ZNF530: variants seen among roughly 807,000 people sequenced by gnomAD.
ZNF530 encodes the protein zinc finger protein 530.
In ZNF530, 5 loss-of-function variants were observed where a neutral mutation model predicts 2.8. The ratio of observed to expected loss-of-function variants is 1.80; its 90% confidence interval spans 0.94 to 3.78. The LOEUF is 3.78. ZNF530 is among the 30% of genes most tolerant of loss of function. ZNF530 has a pLI of 0.00. For synonymous variants in ZNF530, 229 were observed against 235.0 expected (o/e 0.97, Z 0.23); for missense variants, 619 against 673.3 (o/e 0.92, Z 0.89).
chr19:57,610,541 C>A (rs1980838203), downstream of ZNF530, among the ~76,000 whole-genome samples: 1 of 152,080 alleles, frequency 6.6e-6, no homozygotes, highest in Non-Finnish European at 1.5e-5. Context: ...ATCTGGGCCT[C>A]CCACTTCTAT....
chr19:57,606,763 G>A lies in ZNF530; in HGVS notation c.1139G>A (p.Gly380Glu). 1.2e-6 allele frequency: 2 copies of A among 1,613,914 alleles called. No homozygotes were observed. Among genetic ancestry groups the A allele is most frequent in the Non-Finnish European group, 1.7e-6 (2 of 1,180,004 alleles). ...GERPYVCSECGKSFGQKSVLI... is the reference protein window; with the variant it reads ...GERPYVCSECEKSFGQKSVLI... ...AGACCTTATGTGTGCAGTGAATGTG[G>A]GAAATCATTTGGCCAGAAATCTGTC... Residue 380 changes from glycine to glutamate, a missense_variant, in exon 4 of 4, where the codon GGG becomes GAG. Coordinates refer to ENST00000597700, the MANE Select transcript of ZNF530 (RefSeq NM_001321981.2).
chr19:57,612,656 G>A (rs1417033769), downstream of ZNF530: 2 of 396,216 alleles, frequency 5.0e-6, no homozygotes, highest in Admixed American at 8.8e-5. Context: ...ACTCCAGCCT[G>A]TGCAACACAG....
downstream of ZNF530, chr19:57,612,513 GT>G (rs1228491376): frequency 7.5e-6 from 3 of 400,434 alleles, no homozygotes; most frequent in African/African-American, 6.2e-5. Context: ...GTATTATTGA[GT>G]GTTTTCAAGA....
chr19:57,611,332 A>G (rs1384384633), downstream of ZNF530, among the ~76,000 whole-genome samples: 2 of 152,332 alleles, frequency 1.3e-5, no homozygotes, highest in South Asian at 2.1e-4. Flanking sequence ...GGCCAAGTGG[A>G]TAACTTGAGA....
At chr19:57,601,223 G>A (rs554088795) in intron 2 of ZNF530, among the ~76,000 whole-genome samples, 1 of 152,346 alleles carries the variant, frequency 6.6e-6, no homozygotes, top group East Asian at 1.9e-4. Flanking sequence ...ACAACAGACT[G>A]TGGGTTTAAG....
Position 57,606,113 on chromosome 19 carries a change from C to T in ZNF530, c.489C>T (p.His163=), listed in dbSNP as rs146101837. 4.8e-5 allele frequency: 78 copies of T among 1,614,234 alleles called. No homozygotes were observed. Among genetic ancestry groups the T allele is most frequent in the East Asian group, 3.1e-4 (14 of 44,882 alleles). ...HQVTPTIERP[H]SRIRHLRVPT... is the part of the protein sequence containing the mutation. ...TGACTCCCACCATTGAGAGACCACACAGCAGGATTAGACACTTGAGAGTTC... is the reference window on the plus strand; with the variant it reads ...TGACTCCCACCATTGAGAGACCACATAGCAGGATTAGACACTTGAGAGTTC... The change falls in exon 4 of 4, where the codon CAC becomes CAT. Residue 163 remains histidine, a synonymous_variant. Coordinates refer to ENST00000597700, the MANE Select transcript of ZNF530 (RefSeq NM_001321981.2).
At chr19:57,610,779 C>A (rs1245100998), downstream of ZNF530, among the ~76,000 whole-genome samples, 1 of 152,038 alleles carries the variant, frequency 6.6e-6, no homozygotes, top group Non-Finnish European at 1.5e-5. Context: ...AATCAGTAGC[C>A]CCCAAATTCA....
At chr19:57,600,266 G>T in intron 1 of ZNF530, 132 bp downstream of exon 1, 1 of 1,152,230 alleles carries the variant, frequency 8.7e-7, no homozygotes, top group Non-Finnish European at 1.2e-6. Context: ...GTTTCTGGTA[G>T]TGTGGCAGGG....
At chr19:57,600,280 G>C (rs1980166879) in intron 1 of ZNF530, 146 bp downstream of exon 1, 1 of 1,094,920 alleles carries the variant, frequency 9.1e-7, no homozygotes, top group Non-Finnish European at 1.2e-6. Flanking sequence ...GGCAGGGAGC[G>C]GGAGAGCGAC....
chr19:57,600,674 T>C (rs1980191082), intron 1 of ZNF530, 54 bp from the exon 2 acceptor site: 1 of 152,964 alleles, frequency 6.5e-6, no homozygotes, highest in African/African-American at 2.4e-5. Flanking sequence ...GAACCAGAAG[T>C]CCATGGAGCC....
chr19:57,608,975 TCA>T lies in ZNF530; in HGVS notation c.*1654_*1655del, dbSNP rs1432678892. On this transcript the variant is annotated 3_prime_UTR_variant, in exon 4 of 4. Transcript: ENST00000597700. ...AGGCAGAGGTTGCAGTGAGCTCAGATCACACCACTGCACTCCAGCCTGGGTGA... is the reference window on the plus strand; with the variant it reads ...AGGCAGAGGTTGCAGTGAGCTCAGATCACCACTGCACTCCAGCCTGGGTGA... 6.9e-6 allele frequency: 1 copy of T among 144,324 alleles called. No homozygotes were observed. Among genetic ancestry groups the T allele is most frequent in the Admixed American group, 7.1e-5 (1 of 14,080 alleles). The allele number at this position is 144,324 out of a possible 1,614,324, so 8.9% of individuals were successfully genotyped here.
At chr19:57,601,159 G>C (rs1242117671) in intron 2 of ZNF530, among the ~76,000 whole-genome samples, 1 of 152,190 alleles carries the variant, frequency 6.6e-6, no homozygotes, top group Non-Finnish European at 1.5e-5. Context: ...ATTTGGAGCA[G>C]AAGAGGGAGG....
intron 3 of ZNF530, 49 bp downstream of exon 3, chr19:57,604,455 C>A: frequency 6.3e-7 from 1 of 1,585,928 alleles, no homozygotes; most frequent in South Asian, 1.2e-5. Flanking sequence ...CTCTCCTTTT[C>A]CCCTGTCCCT....
downstream of ZNF530, among the ~76,000 whole-genome samples, chr19:57,612,223 C>G (rs1356935909): frequency 1.3e-5 from 2 of 152,194 alleles, no homozygotes; most frequent in East Asian, 1.9e-4. Flanking sequence ...TTCTCAATGC[C>G]TTCACCTTCT....
Position 57,605,896 on chromosome 19 carries a change from C to G in ZNF530, c.272C>G (p.Ser91Ter), listed in dbSNP as rs1164995316. The G allele has an allele frequency of 6.2e-7, 1 of 1,614,194 alleles. No individual in the cohort carries two copies. Among genetic ancestry groups the G allele is most frequent in the South Asian group, 1.1e-5 (1 of 91,090 alleles). ...CAGAAATTGTACTTGGGTGGAGCAT[C>G]AAGAGATTTCTGGATGAGTTCAAAC... ...CGQKLYLGGA[S>*]RDFWMSSNLH... The change falls in exon 4 of 4, where the codon TCA becomes TGA. Residue 91 changes from serine to a stop codon, truncating the protein, a stop_gained. Transcript: ENST00000597700. LOFTEE classifies it low-confidence loss of function (END_TRUNC).
At position 57,602,453 on chromosome 19, in the gene ZNF530, T is replaced by C. The variant is rs35931370; in HGVS notation, c.-70+1674T>C. On this transcript the variant is annotated intron_variant, in intron 2 of 3. Coordinates refer to ENST00000597700, the MANE Select transcript of ZNF530 (RefSeq NM_001321981.2). ...GGGCAGAAACATTAAGCCCATAACA[T>C]CATAGATCCCATTTAGTAGTGGGAT... is the stretch of plus-strand genomic sequence containing the variant. 2.7e-3 allele frequency among the ~76,000 whole-genome samples: 417 copies of C among 152,250 alleles called. 1 individual carries two copies. Among genetic ancestry groups the C allele is most frequent in the Middle Eastern group, 0.014 (4 of 294 alleles).
In ZNF530 at chr19:57,607,291, G is replaced by A. The variant is rs1980630785; in HGVS notation, c.1667G>A (p.Gly556Asp). 4.3e-6 allele frequency: 7 copies of A among 1,613,264 alleles called. No homozygotes were observed. Among genetic ancestry groups the A allele is most frequent in the Admixed American group, 1.7e-5 (1 of 59,970 alleles). Residue 556 changes from glycine to aspartate, a missense_variant, in exon 4 of 4, where the codon GGC becomes GAC. Transcript: ENST00000597700. The stretch of plus-strand genomic sequence containing the variant: ...GGAAAATCCTTTAGCCAAAGCTCTG[G>A]CCTCTTAAGACACAGAAGAGTTCAT... ...ECGKSFSQSSGLLRHRRVHVQ is the reference protein window; with the variant it reads ...ECGKSFSQSSDLLRHRRVHVQ
chr19:57,600,127 C>G lies in ZNF530; in HGVS notation c.-129C>G, dbSNP rs1271958994. On this transcript the variant is annotated 5_prime_UTR_variant, in exon 1 of 4. Coordinates refer to ENST00000597700, the MANE Select transcript of ZNF530 (RefSeq NM_001321981.2). ...CCGATGGCGGCGGCACTGAGGGCCC[C>G]GACCCAGGTGAGCGCTGCGTCCTCC... 7 of 1,569,630 alleles carry G rather than the reference C, an allele frequency of 4.5e-6. No individual in the cohort carries two copies. In the Admixed American group the frequency reaches 1.3e-4, roughly 29 times the overall value.
In ZNF530 at chr19:57,604,454, TC is replaced by T. The variant is rs778238158; in HGVS notation, c.61+52del. ...AGTTTCCTTTGTGGGTCTCTCCTTT[TC>T]CCCTGTCCCTGAGGCAGCTCTGTCC... On this transcript the variant is annotated intron_variant, in intron 3 of 3. Transcript: ENST00000597700. 142 of 1,586,442 alleles carry T rather than the reference TC, an allele frequency of 9.0e-5. No homozygotes were observed. The African/African-American group carries it at 1.6e-3, about 18-fold the overall frequency.
Sources: allele counts gnomAD v4.1 joint callset (sites outside exome capture counted in the v4.1 genomes callset), GRCh38; gene constraint gnomAD v4.1.1; transcripts MANE v1.5; gene names NCBI Gene and HGNC (gene_info 2026-07-23, HGNC 2026-07-21).